The following CCDC7 variants were observed in gnomAD, a reference collection of about 807,000 sequenced individuals.
CCDC7 encodes coiled-coil domain containing 7.
In CCDC7, 183 loss-of-function variants were observed where a neutral mutation model predicts 196.9. The observed-to-expected ratio is 0.93, with a 90% CI of 0.82 to 1.05. The LOEUF (loss-of-function observed/expected upper bound fraction) is 1.05. Among genes scored for constraint, CCDC7 ranks in the 50% least tolerant of loss-of-function variants. CCDC7 has a pLI of 0.00. For missense variants in CCDC7, 1,540 were observed against 1,482.2 expected, an observed-to-expected ratio of 1.04 and a Z score of -0.64; for synonymous variants, 525 against 484.6, an observed-to-expected ratio of 1.08 and a Z score of -1.10.
At chr10:32,675,071 T>C (rs568677182) in intron 21 of CCDC7, among the ~76,000 whole-genome samples, 2 of 152,306 alleles carry the variant, frequency 1.3e-5, no homozygotes, top group African/African-American at 4.8e-5. Context: ...ATCTTTTGAA[T>C]GTTAACTTTA....
At chr10:32,542,492 G>A (rs991116415) in intron 11 of CCDC7, among the ~76,000 whole-genome samples, 2 of 151,918 alleles carry the variant, frequency 1.3e-5, no homozygotes, top group African/African-American at 2.4e-5. Context: ...AATTAGCCGG[G>A]CGTGGTGGCG....
At chr10:32,511,267 G>A in intron 9 of CCDC7, 1 of 553,506 alleles carries the variant, frequency 1.8e-6, no homozygotes, top group Non-Finnish European at 3.1e-6. Flanking sequence ...GGGGCGGGGG[G>A]GGCGGGGAAA....
At chr10:32,666,638 G>A (rs1183694008) in intron 21 of CCDC7, among the ~76,000 whole-genome samples, 1 of 149,966 alleles carries the variant, frequency 6.7e-6, no homozygotes, top group Non-Finnish European at 1.5e-5. Flanking sequence ...TTGGTTTTTT[G>A]TCCTTGCGAT....
chr10:32,711,975 G>A lies in CCDC7; in HGVS notation c.2569+245G>A, dbSNP rs1010924121. Among the ~76,000 whole-genome samples, 5 of 152,138 alleles carry A rather than the reference G, an allele frequency of 3.3e-5. No individual in the cohort carries two copies. The East Asian group carries it at 9.7e-4, about 29-fold the overall frequency. ...AGTATCCATCTCAGGACAATAATAGGCCAATAATTGTCTCACAAAAGATGG... is the reference window on the plus strand; with the variant it reads ...AGTATCCATCTCAGGACAATAATAGACCAATAATTGTCTCACAAAAGATGG... On this transcript the variant is annotated intron_variant, in intron 25 of 41. Transcript: ENST00000639629.
chr10:32,679,018 G>C (rs768308163), intron 21 of CCDC7, among the ~76,000 whole-genome samples: 1 of 151,992 alleles, frequency 6.6e-6, no homozygotes, highest in Non-Finnish European at 1.5e-5. Context: ...CAACTTATCA[G>C]AAATTTTTTT....
intron 33 of CCDC7, among the ~76,000 whole-genome samples, chr10:32,842,716 G>A (rs2093047276): frequency 6.6e-6 from 1 of 152,018 alleles, no homozygotes; most frequent in Non-Finnish European, 1.5e-5. Flanking sequence ...TCAATGAATG[G>A]ATAAAGAAAA....
chr10:32,868,344 C>A (rs980650058), intron 41 of CCDC7, among the ~76,000 whole-genome samples: 1 of 151,838 alleles, frequency 6.6e-6, no homozygotes, highest in East Asian at 1.9e-4. Context: ...TACTGTTTAC[C>A]ACAGAGGCTG....
chr10:32,527,883 T>A (rs991364027), intron 11 of CCDC7, among the ~76,000 whole-genome samples: 17 of 152,170 alleles, frequency 1.1e-4, no homozygotes, highest in African/African-American at 2.7e-4. Context: ...TTAATTTTTT[T>A]ATTTTTATAA....
At chr10:32,631,183 C>T (rs1231833499) in intron 18 of CCDC7, among the ~76,000 whole-genome samples, 1 of 152,112 alleles carries the variant, frequency 6.6e-6, no homozygotes, top group African/African-American at 2.4e-5. Context: ...TCTATATTTT[C>T]TTTTGTTAAC....
intron 31 of CCDC7, among the ~76,000 whole-genome samples, chr10:32,816,516 C>A (rs997579426): frequency 6.6e-6 from 1 of 152,212 alleles, no homozygotes; most frequent in African/African-American, 2.4e-5. Context: ...AGCTGGAGAT[C>A]TGAGAATGGA....
chr10:32,680,812 G>T (rs2075755625), intron 21 of CCDC7, among the ~76,000 whole-genome samples: 1 of 152,254 alleles, frequency 6.6e-6, no homozygotes, highest in African/African-American at 2.4e-5. Flanking sequence ...CTTAGCAGAG[G>T]TCCTTGGGTA....
intron 33 of CCDC7, among the ~76,000 whole-genome samples, chr10:32,835,629 A>T (rs2092541895): frequency 6.6e-6 from 1 of 152,106 alleles, no homozygotes; most frequent in Non-Finnish European, 1.5e-5. Context: ...TGGGAGCTAA[A>T]TGATGAGAGC....
intron 21 of CCDC7, among the ~76,000 whole-genome samples, chr10:32,666,356 C>A (rs1342968297): frequency 6.6e-6 from 1 of 151,684 alleles, no homozygotes; most frequent in Admixed American, 6.6e-5. Context: ...CACAATAATC[C>A]TGCAAGGTTG....
Position 32,463,058 on chromosome 10 carries a change from A to T in CCDC7, c.510+9A>T. 6.2e-7 allele frequency: 1 copy of T among 1,613,108 alleles called. No individual in the cohort carries two copies. Among genetic ancestry groups the T allele is most frequent in the Non-Finnish European group, 8.5e-7 (1 of 1,179,672 alleles). ...TCAATCAGATGGAAGAAGTAAGTCT[A>T]ACGTTTTAAAATTGTTAAGTTAATA... On this transcript the variant is annotated intron_variant, in intron 5 of 41. Transcript: ENST00000639629.
At position 32,768,632 on chromosome 10, in the gene CCDC7, G is replaced by A. The variant is rs143274776; in HGVS notation, c.2906-10345G>A. 5.9e-3 allele frequency among the ~76,000 whole-genome samples: 900 copies of A among 152,210 alleles called. 9 individuals carry two copies. The highest frequency in any genetic ancestry group is 0.021 in the African/African-American group (859 of 41,550). On this transcript the variant is annotated intron_variant, in intron 28 of 41. Transcript: ENST00000639629. ...ATTGCTTTTAACTTTTGTGTGTTTA[G>A]TACGATGTTGGCTGTGGGTTTGTCA...
At chr10:32,479,877 GTCT>G (rs2039653320) in intron 8 of CCDC7, among the ~76,000 whole-genome samples, 1 of 149,714 alleles carries the variant, frequency 6.7e-6, no homozygotes, top group African/African-American at 2.5e-5. Flanking sequence ...CACTGAGTCA[GTCT>G]TCTTATTAAT....
chr10:32,577,374 GAGTTCTGTCCT>G (rs1216167777), intron 16 of CCDC7, among the ~76,000 whole-genome samples: 27 of 152,100 alleles, frequency 1.8e-4, no homozygotes, highest in African/African-American at 5.3e-4. Context: ...ATAAAATAAA[GAGTTCTGTCCT>G]AGGGAACCCA....
At position 32,579,889 on chromosome 10, in the gene CCDC7, G is replaced by A. The variant is rs144250109; in HGVS notation, c.1455-3145G>A. On this transcript the variant is annotated intron_variant, in intron 16 of 41. Transcript: ENST00000639629. ...CAATGGGGTTATTTCCCACTTCAGCGGTAGCCCAAACTCTCTGTTTTTCAA... is the reference window on the plus strand; with the variant it reads ...CAATGGGGTTATTTCCCACTTCAGCAGTAGCCCAAACTCTCTGTTTTTCAA... 4.9e-4 allele frequency among the ~76,000 whole-genome samples: 74 copies of A among 152,048 alleles called. No individual in the cohort carries two copies. In the East Asian group the frequency reaches 0.013, roughly 26 times the overall value.
chr10:32,699,203 CCT>C (rs2078228906), intron 24 of CCDC7, among the ~76,000 whole-genome samples: 1 of 97,696 alleles, frequency 1.0e-5, no homozygotes. Flanking sequence ...AGCCCTCCCC[CCT>C]CCCCCCACCC....
Sources: allele counts gnomAD v4.1 joint callset (sites outside exome capture counted in the v4.1 genomes callset), GRCh38; gene constraint gnomAD v4.1.1; transcripts MANE v1.5; gene names NCBI Gene and HGNC (gene_info 2026-07-23, HGNC 2026-07-21).